PHLPP1: variants seen among roughly 807,000 people sequenced by gnomAD.
PHLPP1 encodes PH domain leucine-rich repeat-containing protein phosphatase 1.
A neutral mutation model predicts 117.2 loss-of-function variants in PHLPP1; 42 were observed. The ratio of observed to expected loss-of-function variants is 0.36; its 90% CI spans 0.28 to 0.46. PHLPP1 has a LOEUF of 0.46. Ranked by LOEUF, PHLPP1 falls within the 20% of genes least tolerant of loss-of-function variation. The probability of loss-of-function intolerance (pLI) is 1.00; values close to 1 mark genes in which losing one functional copy is unlikely to be tolerated. For synonymous variants in PHLPP1, 1,042 were observed against 970.7 expected (o/e 1.07, Z -1.37); for missense variants, 2,084 against 2,241.9 (o/e 0.93, Z 1.42).
intron 4 of PHLPP1, among the ~76,000 whole-genome samples, chr18:62,881,508 A>G (rs1916174654): frequency 6.6e-6 from 1 of 152,144 alleles, no homozygotes; most frequent in Non-Finnish European, 1.5e-5. Flanking sequence ...TAAAATATGC[A>G]TGTGCTTATT....
At chr18:62,863,672 G>A (rs995213674) in intron 4 of PHLPP1, among the ~76,000 whole-genome samples, 1 of 152,198 alleles carries the variant, frequency 6.6e-6, no homozygotes, top group Non-Finnish European at 1.5e-5. Flanking sequence ...TGGTGCTGGT[G>A]GGAGTGTCTC....
chr18:62,800,585 C>T (rs535400270), intron 1 of PHLPP1, among the ~76,000 whole-genome samples: 1 of 150,858 alleles, frequency 6.6e-6, no homozygotes, highest in South Asian at 2.1e-4. Flanking sequence ...GTGAGGGTGG[C>T]TGAAGAATGG....
chr18:62,776,632 C>T (rs1348603244), intron 1 of PHLPP1, among the ~76,000 whole-genome samples: 4 of 145,098 alleles, frequency 2.8e-5, no homozygotes, highest in African/African-American at 5.1e-5. Context: ...TTTTCTGGGA[C>T]GGAGTCTCAC....
chr18:62,740,857 C>T (rs1402257594), intron 1 of PHLPP1, among the ~76,000 whole-genome samples: 1 of 152,048 alleles, frequency 6.6e-6, no homozygotes, highest in African/African-American at 2.4e-5. Context: ...CTTTGTAATC[C>T]CAGCTACTGT....
At chr18:62,813,313 T>G (rs1354934955) in intron 1 of PHLPP1, among the ~76,000 whole-genome samples, 1 of 152,208 alleles carries the variant, frequency 6.6e-6, no homozygotes, top group African/African-American at 2.4e-5. Context: ...GATGTGAGCA[T>G]CAGGCATTCG....
intron 3 of PHLPP1, among the ~76,000 whole-genome samples, chr18:62,852,848 A>G (rs1465832779): frequency 6.6e-6 from 1 of 152,218 alleles, no homozygotes; most frequent in Non-Finnish European, 1.5e-5. Flanking sequence ...AAAGACGATT[A>G]TCCACTAACT....
At chr18:62,783,463 C>T (rs1258734615) in intron 1 of PHLPP1, among the ~76,000 whole-genome samples, 3 of 152,050 alleles carry the variant, frequency 2.0e-5, no homozygotes, top group African/African-American at 4.8e-5. Flanking sequence ...CTCCTGACCT[C>T]GTGATCTGCC....
chr18:62,813,201 G>T (rs1796165742), intron 1 of PHLPP1, among the ~76,000 whole-genome samples: 1 of 152,194 alleles, frequency 6.6e-6, no homozygotes, highest in South Asian at 2.1e-4. Flanking sequence ...GCTCATAAAA[G>T]GGAGGAAGGG....
At chr18:62,847,596 C>T (rs984948570) in intron 3 of PHLPP1, among the ~76,000 whole-genome samples, 47 of 151,964 alleles carry the variant, frequency 3.1e-4, no homozygotes, top group African/African-American at 1.1e-3. Context: ...TGGTAAGGGC[C>T]CTTGTAAGGT....
intron 1 of PHLPP1, among the ~76,000 whole-genome samples, chr18:62,729,669 C>A (rs1417961733): frequency 1.3e-5 from 2 of 151,164 alleles, no homozygotes; most frequent in Non-Finnish European, 2.9e-5. Context: ...AGCAAGACTT[C>A]GTCTAAAAAA....
In PHLPP1 at chr18:62,722,073, T is replaced by A. The variant is rs548206210; in HGVS notation, c.1576+4814T>A. Among the ~76,000 whole-genome samples, 6 of 152,310 alleles carry A rather than the reference T, an allele frequency of 3.9e-5. No individual in the cohort carries two copies. The South Asian group carries it at 1.2e-3, about 32-fold the overall frequency. The stretch of plus-strand genomic sequence containing the variant: ...CCTGTTTGGGTCCCCAGGGATGTGT[T>A]AAACACACATACACACAGCGGCATT... On this transcript the variant is annotated intron_variant, in intron 1 of 16. Coordinates refer to ENST00000262719, the MANE Select transcript of PHLPP1 (RefSeq NM_194449.4).
intron 1 of PHLPP1, among the ~76,000 whole-genome samples, chr18:62,792,185 C>T (rs1258871170): frequency 1.3e-5 from 2 of 152,124 alleles, no homozygotes; most frequent in Non-Finnish European, 2.9e-5. Flanking sequence ...ATGATACTGA[C>T]CGAGCTTTAC....
At chr18:62,750,113 A>G (rs768422474) in intron 1 of PHLPP1, among the ~76,000 whole-genome samples, 20 of 152,130 alleles carry the variant, frequency 1.3e-4, no homozygotes, top group Non-Finnish European at 2.8e-4. Context: ...TAACCTTATC[A>G]CCCCTCTAAA....
intron 1 of PHLPP1, among the ~76,000 whole-genome samples, chr18:62,725,566 T>C (rs1911044110): frequency 6.6e-6 from 1 of 152,064 alleles, no homozygotes; most frequent in South Asian, 2.1e-4. Context: ...TGTGTGCTGA[T>C]TTGGAAGTCT....
At chr18:62,822,597 T>G (rs575654631) in intron 1 of PHLPP1, among the ~76,000 whole-genome samples, 7 of 152,170 alleles carry the variant, frequency 4.6e-5, no homozygotes, top group Non-Finnish European at 8.8e-5. Context: ...AATAGTGTTT[T>G]AAATGGCACA....
intron 3 of PHLPP1, among the ~76,000 whole-genome samples, chr18:62,858,262 CTTTT>C (rs34800076): frequency 4.7e-5 from 6 of 128,334 alleles, no homozygotes; most frequent in African/African-American, 5.7e-5. Flanking sequence ...TCAGCAGAAC[CTTTT>C]TTTTTTTTTT....
At chr18:62,947,842 A>G (rs1910344323) in intron 12 of PHLPP1, among the ~76,000 whole-genome samples, 1 of 152,138 alleles carries the variant, frequency 6.6e-6, no homozygotes, top group African/African-American at 2.4e-5. Flanking sequence ...CCTGGCCAAC[A>G]TGGTGAAACT....
At chr18:62,956,800 A>G (rs575789427) in intron 12 of PHLPP1, among the ~76,000 whole-genome samples, 40 of 152,252 alleles carry the variant, frequency 2.6e-4, no homozygotes, top group Admixed American at 4.6e-4. Context: ...TACTATTTGG[A>G]AGCAACTGTA....
intron 4 of PHLPP1, among the ~76,000 whole-genome samples, chr18:62,870,319 C>A (rs184147967): frequency 1.3e-5 from 2 of 152,202 alleles, no homozygotes; most frequent in East Asian, 1.9e-4. Context: ...TGCATATATA[C>A]CCCCCTCTTA....
Sources: allele counts gnomAD v4.1 joint callset (sites outside exome capture counted in the v4.1 genomes callset), GRCh38; gene constraint gnomAD v4.1.1; transcripts MANE v1.5; gene names NCBI Gene and HGNC (gene_info 2026-07-23, HGNC 2026-07-21).